ATP10B: variants seen among roughly 807,000 people sequenced by gnomAD.
The protein encoded by ATP10B is phospholipid-transporting ATPase VB.
Under a neutral mutation model 141.2 loss-of-function variants are expected in ATP10B, and 122 were observed. That is an observed-to-expected ratio of 0.86 (90% CI 0.75 to 1.00). The LOEUF is 1.00. ATP10B is among the 50% of genes least tolerant of loss of function. The pLI is 0.00. For missense variants in ATP10B, 1,876 were observed against 1,825.3 expected, an observed-to-expected ratio of 1.03 and a Z score of -0.51; for synonymous variants, 685 against 692.0, an observed-to-expected ratio of 0.99 and a Z score of 0.16.
At chr5:160,759,716 C>T (rs1031035949) in intron 2 of ATP10B, among the ~76,000 whole-genome samples, 7 of 152,204 alleles carry the variant, frequency 4.6e-5, no homozygotes, top group African/African-American at 1.7e-4. Context: ...TCCAAGCATG[C>T]CTTTTCACCT....
At chr5:160,769,589 C>A (rs1049024102) in intron 2 of ATP10B, among the ~76,000 whole-genome samples, 2 of 143,712 alleles carry the variant, frequency 1.4e-5, no homozygotes, top group African/African-American at 2.6e-5. Flanking sequence ...ACTAAGCAGG[C>A]AGCACTGTGG....
At chr5:160,731,097 G>A (rs1430359887) in intron 2 of ATP10B, among the ~76,000 whole-genome samples, 2 of 152,174 alleles carry the variant, frequency 1.3e-5, no homozygotes, top group African/African-American at 2.4e-5. Flanking sequence ...AATCTATGGG[G>A]AAGATGTAGA....
the ATP10B span, among the ~76,000 whole-genome samples, chr5:160,868,996 C>A: frequency 4.6e-5 from 7 of 152,072 alleles, no homozygotes; most frequent in Admixed American, 6.6e-5. Context: ...TTTGGAGAGA[C>A]CTGGTTCTAA....
At chr5:160,909,599 C>G in the ATP10B span, among the ~76,000 whole-genome samples, 3 of 152,354 alleles carry the variant, frequency 2.0e-5, no homozygotes, top group African/African-American at 7.2e-5. Context: ...GCAATAGAGA[C>G]AGCTGAGGAG....
Position 160,816,578 on chromosome 5 carries a change from G to A in ATP10B, c.-575-30775C>T, listed in dbSNP as rs144406213. 7.0e-3 allele frequency among the ~76,000 whole-genome samples: 1,061 copies of A among 152,300 alleles called. 17 individuals carry two copies. The highest frequency in any genetic ancestry group is 0.024 in the African/African-American group (1,000 of 41,566). On this transcript the variant is annotated intron_variant, in intron 1 of 25. Transcript: ENST00000327245. Reference sequence around the variant, plus strand: ...AGCCGAATTCTACCAGAGGTACAAGGAGGGGCTGGTACCATACTTTCTGAA... The same window carrying A: ...AGCCGAATTCTACCAGAGGTACAAGAAGGGGCTGGTACCATACTTTCTGAA...
chr5:160,700,481 G>T (rs1207593908), intron 3 of ATP10B, among the ~76,000 whole-genome samples: 1 of 152,198 alleles, frequency 6.6e-6, no homozygotes, highest in African/African-American at 2.4e-5. Flanking sequence ...CCAGAGGGCA[G>T]ACTATTTCTT....
At chr5:160,838,959 C>T (rs1365382313) in intron 1 of ATP10B, among the ~76,000 whole-genome samples, 1 of 152,122 alleles carries the variant, frequency 6.6e-6, no homozygotes, top group Non-Finnish European at 1.5e-5. Flanking sequence ...CCTCCCCCTT[C>T]TCCCTCTCTT....
In ATP10B at chr5:160,703,935, TTCA is replaced by T. The variant is rs572046673; in HGVS notation, c.-205+12971_-205+12973del. On this transcript the variant is annotated intron_variant, in intron 3 of 25. Coordinates refer to ENST00000327245, the MANE Select transcript of ATP10B (RefSeq NM_025153.3). ...AACAACATTAATCTCCTTGTACGTT[TTCA>T]TCAGAGCTCTTAGGTCACCAGGGGC... 4.8e-3 allele frequency among the ~76,000 whole-genome samples: 731 copies of T among 152,336 alleles called. 7 individuals carry two copies. The highest frequency in any genetic ancestry group is 8.0e-3 in the Non-Finnish European group (544 of 68,030).
At chr5:160,842,563 A>AAATAACC (rs1775873131) in intron 1 of ATP10B, among the ~76,000 whole-genome samples, 1 of 152,048 alleles carries the variant, frequency 6.6e-6, no homozygotes, top group Non-Finnish European at 1.5e-5. Context: ...GAGAAGAAAC[A>AAATAACC]AATAACCAAT....
In ATP10B at chr5:160,851,321, A is replaced by G. The variant is rs766757888; in HGVS notation, c.-576+620T>C. On this transcript the variant is annotated intron_variant, in intron 1 of 25. Coordinates refer to ENST00000327245, the MANE Select transcript of ATP10B (RefSeq NM_025153.3). ...GTCACTCCAGCCTTAATAGCAGGCC[A>G]CAGGACTGTCCTAAATGTATTCATC... Among the ~76,000 whole-genome samples the G allele has an allele frequency of 4.9e-4, 74 of 152,190 alleles. 1 individual carries two copies. Among genetic ancestry groups the G allele is most frequent in the Non-Finnish European group, 3.5e-4 (24 of 68,036 alleles).
chr5:160,891,884 TGC>T, the ATP10B span, among the ~76,000 whole-genome samples: 5 of 152,328 alleles, frequency 3.3e-5, no homozygotes, highest in Middle Eastern at 3.4e-3. Context: ...TCTGAGTCAA[TGC>T]TCCCATCTAT....
At chr5:160,674,023 C>G (rs1213593741) in intron 6 of ATP10B, among the ~76,000 whole-genome samples, 1 of 152,036 alleles carries the variant, frequency 6.6e-6, no homozygotes, top group African/African-American at 2.4e-5. Context: ...TTTCTCCCTT[C>G]TTTGGCTTCT....
At chr5:160,625,772 C>G (rs1758578456) in intron 13 of ATP10B, among the ~76,000 whole-genome samples, 1 of 152,206 alleles carries the variant, frequency 6.6e-6, no homozygotes, top group African/African-American at 2.4e-5. Context: ...TCTGATGTGT[C>G]CCTCATGCCT....
intron 3 of ATP10B, among the ~76,000 whole-genome samples, chr5:160,690,961 G>A (rs1764038991): frequency 6.6e-6 from 1 of 152,114 alleles, no homozygotes; most frequent in South Asian, 2.1e-4. Flanking sequence ...CAACCCAAAT[G>A]CCCATTAATG....
chr5:160,607,141 A>T, intron 18 of ATP10B, 55 bp from the exon 19 acceptor site: 1 of 1,459,960 alleles, frequency 6.8e-7, no homozygotes, highest in South Asian at 1.3e-5. Flanking sequence ...AATGCATGTT[A>T]ACAATTTCAG....
intron 2 of ATP10B, among the ~76,000 whole-genome samples, chr5:160,775,841 C>T (rs748310309): frequency 2.6e-5 from 4 of 151,932 alleles, no homozygotes; most frequent in Non-Finnish European, 5.9e-5. Flanking sequence ...CCACCATGCC[C>T]GGCTAATTTT....
Position 160,676,032 on chromosome 5 carries a change from T to C in ATP10B, c.471-5365A>G, listed in dbSNP as rs77459867. Among the ~76,000 whole-genome samples, 831 of 152,308 alleles carry C rather than the reference T, an allele frequency of 5.5e-3. 11 individuals are homozygous for C. Among genetic ancestry groups the C allele is most frequent in the African/African-American group, 0.019 (792 of 41,552 alleles). Reference sequence around the variant, plus strand: ...GTCAGCAGATTGGAGCTGAATGGCATGGTCACTGGGACGTTTTTATTAATG... The same window carrying C: ...GTCAGCAGATTGGAGCTGAATGGCACGGTCACTGGGACGTTTTTATTAATG... On this transcript the variant is annotated intron_variant, in intron 6 of 25. Transcript: ENST00000327245.
the ATP10B span, among the ~76,000 whole-genome samples, chr5:160,859,397 TGC>T: frequency 6.6e-6 from 1 of 151,956 alleles, no homozygotes; most frequent in Non-Finnish European, 1.5e-5. Flanking sequence ...TCTTTGTCTT[TGC>T]CTTTCAGAAG....
chr5:160,591,145 A>G lies in ATP10B; in HGVS notation c.3565-6T>C. On this transcript the variant is annotated splice_region_variant and splice_polypyrimidine_tract_variant and intron_variant, in intron 22 of 25. Coordinates refer to ENST00000327245, the MANE Select transcript of ATP10B (RefSeq NM_025153.3). ...AAAGTCGACAGGTTATAGCACTGCC[A>G]GGAGAGAACACACCAATAATTATCA... is the stretch of plus-strand genomic sequence containing the variant. 6.2e-7 allele frequency: 1 copy of G among 1,611,092 alleles called. No homozygotes were observed. Among genetic ancestry groups the G allele is most frequent in the Non-Finnish European group, 8.5e-7 (1 of 1,178,682 alleles).
Sources: gnomAD v4.1 joint callset for allele counts (sites outside exome capture counted in the v4.1 genomes callset) on GRCh38, gnomAD v4.1.1 for gene constraint, MANE v1.5 for transcripts, NCBI Gene and HGNC (gene_info 2026-07-23, HGNC 2026-07-21) for gene names.